Variants in RREB1 observed in about 807,000 individuals in gnomAD.
The protein encoded by RREB1 is ras-responsive element-binding protein 1.
Under a neutral mutation model 117.8 loss-of-function variants are expected in RREB1, and 27 were observed. The ratio of observed to expected loss-of-function variants is 0.23; its 90% CI spans 0.17 to 0.32. The LOEUF is 0.32. Ranked by LOEUF, RREB1 falls within the 10% of genes least tolerant of loss-of-function variation. The pLI is 1.00. For synonymous variants in RREB1, 1,298 were observed against 1,026.7 expected (o/e 1.26, Z -5.05); for missense variants, 2,577 against 2,378.2 (o/e 1.08, Z -1.74).
At chr6:7,145,620 A>T (rs1452129437) in intron 1 of RREB1, among the ~76,000 whole-genome samples, 1 of 151,956 alleles carries the variant, frequency 6.6e-6, no homozygotes, top group East Asian at 1.9e-4. Context: ...CCTAATTTCC[A>T]TGTATCTATT....
chr6:7,216,112 A>T (rs1426277659), intron 8 of RREB1: 1 of 152,192 alleles, frequency 6.6e-6, no homozygotes, highest in Non-Finnish European at 1.5e-5. Context: ...TACCCAGCAA[A>T]TGATTGAGTT....
At chr6:7,210,663 T>C in intron 6 of RREB1, 141 bp from the exon 7 acceptor site, 1 of 637,732 alleles carries the variant, frequency 1.6e-6, no homozygotes, top group Non-Finnish European at 2.6e-6. Context: ...TTTAAAAAGA[T>C]AGAAGTCACT....
chr6:7,202,717 A>G (rs1766051759), intron 6 of RREB1, among the ~76,000 whole-genome samples: 1 of 152,146 alleles, frequency 6.6e-6, no homozygotes, highest in African/African-American at 2.4e-5. Flanking sequence ...AGCCTGGGGA[A>G]GAAGAAGAGG....
intron 1 of RREB1, among the ~76,000 whole-genome samples, chr6:7,142,240 T>G (rs2113390551): frequency 6.6e-6 from 1 of 150,530 alleles, no homozygotes; most frequent in East Asian, 1.9e-4. Context: ...AAAAAGGCTA[T>G]TTTCTGAGAA....
In RREB1 at chr6:7,250,867, T is replaced by C. The variant is rs1218928647; in HGVS notation, c.*1899T>C. Reference sequence around the variant, plus strand: ...TGTATTAGGGGTGTATGAACCAGTTTAAAAACGAGGTTTTATTTACTGTAG... The same window carrying C: ...TGTATTAGGGGTGTATGAACCAGTTCAAAAACGAGGTTTTATTTACTGTAG... On this transcript the variant is annotated 3_prime_UTR_variant, in exon 13 of 13. Transcript: ENST00000379938. The C allele has an allele frequency of 6.6e-6, 1 of 152,176 alleles. No individual in the cohort carries two copies. The highest frequency in any genetic ancestry group is 2.4e-5 in the African/African-American group (1 of 41,446). 9.4% of individuals were successfully genotyped at this position (152,176 alleles called of 1,614,324 possible). A position where few individuals can be genotyped will look rare whatever the true frequency, so the allele number is the denominator to read the frequency against.
At chr6:7,109,289 C>T (rs1402397189) in intron 1 of RREB1, among the ~76,000 whole-genome samples, 1 of 151,878 alleles carries the variant, frequency 6.6e-6, no homozygotes, top group Non-Finnish European at 1.5e-5. Context: ...AGCCTTGGGC[C>T]GGGCCCCCCG....
At chr6:7,201,494 T>TGCCCC (rs1429243157) in intron 6 of RREB1, among the ~76,000 whole-genome samples, 3 of 115,268 alleles carry the variant, frequency 2.6e-5, no homozygotes, top group East Asian at 3.1e-4. Context: ...GGCAACATTG[T>TGCCCC]CCCCCCCCCC....
rs1239801107 is a variant in RREB1 at position 7,229,722 on chromosome 6, C to T, written c.1623C>T (p.Ser541=). The change falls in exon 10 of 13, where the codon AGC becomes AGT. Residue 541 remains serine (S), a synonymous_variant. Transcript: ENST00000379938. The surrounding 1 kb of genome is among the most constrained non-coding windows in gnomAD (Gnocchi z 4.5). The part of the protein sequence containing the change: ...QQASPGCISP[S]LPPPPLKLLK... The stretch of plus-strand genomic sequence containing the variant: ...CTTCCCCGGGCTGTATCAGCCCCAG[C>T]CTGCCGCCACCGCCCCTGAAGCTCC... The T allele has an allele frequency of 6.2e-7, 1 of 1,601,070 alleles. No homozygotes were observed. The highest frequency in any genetic ancestry group is 2.2e-5 in the East Asian group (1 of 44,612).
chr6:7,126,227 G>C (rs751610346), intron 1 of RREB1, among the ~76,000 whole-genome samples: 24 of 151,786 alleles, frequency 1.6e-4, no homozygotes, highest in East Asian at 5.8e-4. Flanking sequence ...GCCTTGAACT[G>C]CTGACCTCGT....
intron 1 of RREB1, among the ~76,000 whole-genome samples, chr6:7,134,599 C>CT (rs1491079126): frequency 2.0e-5 from 3 of 152,148 alleles, no homozygotes; most frequent in East Asian, 3.9e-4. Flanking sequence ...CAGAAAAACT[C>CT]TATCGACATT....
At chr6:7,134,650 T>C (rs1406082640) in intron 1 of RREB1, among the ~76,000 whole-genome samples, 3 of 152,232 alleles carry the variant, frequency 2.0e-5, no homozygotes, top group Non-Finnish European at 4.4e-5. Flanking sequence ...AGCATTTTCA[T>C]ATACTTGCAA....
intron 1 of RREB1, among the ~76,000 whole-genome samples, chr6:7,134,073 A>C (rs1377188545): frequency 6.6e-6 from 1 of 152,210 alleles, no homozygotes; most frequent in Non-Finnish European, 1.5e-5. Context: ...ATTATTTTGC[A>C]TTCCCTGGGC....
At position 7,181,905 on chromosome 6, in the gene RREB1, T is replaced by C. The variant is rs1764820260; in HGVS notation, c.-7T>C. The C allele has an allele frequency of 3.7e-6, 6 of 1,614,236 alleles. No individual in the cohort carries two copies. The highest frequency in any genetic ancestry group is 2.2e-5 in the East Asian group (1 of 44,890). On this transcript the variant is annotated 5_prime_UTR_variant, in exon 4 of 13. Coordinates refer to ENST00000379938, the MANE Select transcript of RREB1 (RefSeq NM_001003699.4). ...GAGGCTTCTTAGAAGCTTAAACCCCTGTCCCAATGACGTCAAGTTCGCCCG... is the reference window on the plus strand; with the variant it reads ...GAGGCTTCTTAGAAGCTTAAACCCCCGTCCCAATGACGTCAAGTTCGCCCG...
rs533295791 is a variant in RREB1, at chr6:7,251,380, T to G, written c.*2412T>G. 2.0e-5 allele frequency: 3 copies of G among 152,274 alleles called. No homozygotes were observed. The highest frequency in any genetic ancestry group is 7.2e-5 in the African/African-American group (3 of 41,560). The allele number at this position is 152,274 out of a possible 1,614,324, so 9.4% of individuals were successfully genotyped here. A position where few individuals can be genotyped will look rare whatever the true frequency, so the allele number is the denominator to read the frequency against. On this transcript the variant is annotated 3_prime_UTR_variant, in exon 13 of 13. Transcript: ENST00000379938. ...GCTTAGTTTGCATGTCCAGCTAATT[T>G]GTTTCTATACATTTTGTTTGATTCT... is the stretch of plus-strand genomic sequence containing the variant.
At chr6:7,173,700 A>C (rs1419345886) in intron 1 of RREB1, among the ~76,000 whole-genome samples, 4 of 152,024 alleles carry the variant, frequency 2.6e-5, no homozygotes, top group African/African-American at 9.7e-5. Flanking sequence ...CACGCCTGTA[A>C]TCCCAGCTAC....
chr6:7,146,434 G>C (rs1229734092), intron 1 of RREB1, among the ~76,000 whole-genome samples: 1 of 152,132 alleles, frequency 6.6e-6, no homozygotes, highest in East Asian at 1.9e-4. Context: ...CACGCAGACA[G>C]CCTGGGAGGG....
At chr6:7,246,026 A>G (rs1321062299) in intron 11 of RREB1, among the ~76,000 whole-genome samples, 2 of 152,158 alleles carry the variant, frequency 1.3e-5, no homozygotes, top group African/African-American at 4.8e-5. Flanking sequence ...TTTGCACTGG[A>G]AAAATAACTT....
chr6:7,133,921 G>C (rs997515330), intron 1 of RREB1, among the ~76,000 whole-genome samples: 3 of 152,020 alleles, frequency 2.0e-5, no homozygotes, highest in African/African-American at 7.3e-5. Flanking sequence ...ACCCATTTTT[G>C]TACATGTCTT....
intron 1 of RREB1, among the ~76,000 whole-genome samples, chr6:7,151,022 C>T (rs1044216412): frequency 2.0e-5 from 3 of 152,164 alleles, no homozygotes; most frequent in South Asian, 2.1e-4. Flanking sequence ...AGAACTCATC[C>T]GTGCGGCTGG....
Sources: allele counts gnomAD v4.1 joint callset (sites outside exome capture counted in the v4.1 genomes callset), GRCh38; gene constraint gnomAD v4.1.1; non-coding constraint Gnocchi (gnomAD v3.1); transcripts MANE v1.5; gene names NCBI Gene and HGNC (gene_info 2026-07-23, HGNC 2026-07-21).